PIEZO2: variants seen among roughly 807,000 people sequenced by gnomAD.
PIEZO2 encodes piezo-type mechanosensitive ion channel component 2.
Under a neutral mutation model 337.3 loss-of-function variants are expected in PIEZO2, and 172 were observed. The observed-to-expected ratio is 0.51, with a 90% CI of 0.45 to 0.58. The LOEUF is 0.58. PIEZO2 is among the 20% of genes least tolerant of loss of function. The pLI is 0.00. For missense variants in PIEZO2, 3,028 were observed against 3,391.3 expected (o/e 0.89, Z 2.66); for synonymous variants, 1,251 against 1,228.5 (o/e 1.02, Z -0.38).
intron 2 of PIEZO2, among the ~76,000 whole-genome samples, chr18:11,053,423 T>A (rs1221230830): frequency 6.6e-6 from 1 of 152,202 alleles, no homozygotes; most frequent in Non-Finnish European, 1.5e-5. Context: ...AAATTAATAA[T>A]GCTGTGCTTC....
intron 7 of PIEZO2, among the ~76,000 whole-genome samples, chr18:10,812,587 G>GT (rs1335606446): frequency 6.6e-6 from 1 of 152,120 alleles, no homozygotes; most frequent in Non-Finnish European, 1.5e-5. Context: ...ATCAGGAAGG[G>GT]TTGCTCATCG....
At chr18:10,829,595 A>G (rs1316359681) in intron 7 of PIEZO2, among the ~76,000 whole-genome samples, 1 of 152,216 alleles carries the variant, frequency 6.6e-6, no homozygotes, top group South Asian at 2.1e-4. Context: ...AAACAAGTTC[A>G]ATAAACTTAC....
intron 4 of PIEZO2, among the ~76,000 whole-genome samples, chr18:10,887,091 A>G (rs1415530078): frequency 8.9e-6 from 1 of 112,854 alleles, no homozygotes; most frequent in Admixed American, 1.1e-4. Context: ...TTTTTTTGAG[A>G]CAGAGTCTCG....
At chr18:11,049,160 G>T (rs565182218) in intron 2 of PIEZO2, among the ~76,000 whole-genome samples, 1 of 152,098 alleles carries the variant, frequency 6.6e-6, no homozygotes, top group Admixed American at 6.5e-5. Context: ...TCCTCTTGAG[G>T]GCTTTATCCA....
intron 2 of PIEZO2, among the ~76,000 whole-genome samples, chr18:11,004,118 T>C (rs77546839): frequency 0.014 from 2,181 of 152,262 alleles, 57 homozygotes; most frequent in African/African-American, 0.05. Context: ...TCCTGTCCCA[T>C]GCCCTGTTCG....
rs2039505547 is a variant in PIEZO2, at chr18:11,104,530, C to T, written c.65-38308G>A. On this transcript the variant is annotated intron_variant, in intron 1 of 55. Coordinates refer to ENST00000674853, the MANE Select transcript of PIEZO2 (RefSeq NM_001378183.1). This position sits in a 1 kb window ranked among gnomAD's most constrained non-coding sequence, Gnocchi z 4.6. ...CTCCTGGGCAGGAGAGAAAGCTGGC[C>T]TGGAGCCATCTGAAGTCTGAAGTCC... is the stretch of plus-strand genomic sequence containing the variant. Among the ~76,000 whole-genome samples the T allele has an allele frequency of 6.6e-6, 1 of 152,162 alleles. No individual in the cohort carries two copies. The highest frequency in any genetic ancestry group is 1.5e-5 in the Non-Finnish European group (1 of 68,038).
chr18:10,672,964 T>C lies in PIEZO2; in HGVS notation c.8162-91A>G. ...TTTTCAGATGGCAAAATCTGGTTAC[T>C]AACTATAGCATAAGGTTCTAGGATG... On this transcript the variant is annotated intron_variant, in intron 54 of 55. Coordinates refer to ENST00000674853, the MANE Select transcript of PIEZO2 (RefSeq NM_001378183.1). The surrounding 1 kb of genome is among the most constrained non-coding windows in gnomAD (Gnocchi z 4.7). 2 of 1,039,598 alleles carry C rather than the reference T, an allele frequency of 1.9e-6. No individual in the cohort carries two copies. The highest frequency in any genetic ancestry group is 4.9e-5 in the East Asian group (2 of 40,836). 64.4% of individuals were successfully genotyped at this position (1,039,598 alleles called of 1,614,324 possible).
intron 21 of PIEZO2, among the ~76,000 whole-genome samples, chr18:10,769,203 T>C (rs986461794): frequency 6.6e-6 from 1 of 152,232 alleles, no homozygotes; most frequent in Non-Finnish European, 1.5e-5. Flanking sequence ...CTAGGCTAGA[T>C]TTGGGCTCCA....
chr18:11,026,351 G>A (rs1055205449), intron 2 of PIEZO2, among the ~76,000 whole-genome samples: 10 of 151,902 alleles, frequency 6.6e-5, no homozygotes, highest in African/African-American at 2.2e-4. Flanking sequence ...TCTCTGCCTC[G>A]CCCCCACCCT....
In PIEZO2 at chr18:10,704,596, C is replaced by T. The variant is rs779854352; in HGVS notation, c.6056G>A (p.Arg2019Gln). Residue 2019 changes from arginine to glutamine, a missense_variant, in exon 42 of 56, where the codon CGA becomes CAA. Arg to Gln is a conservative substitution (Grantham distance 43). This residue lies in a region of PIEZO2 where 1,925 missense variants were observed against 2,051.9 expected (regional missense o/e 0.94). Coordinates refer to ENST00000674853, the MANE Select transcript of PIEZO2 (RefSeq NM_001378183.1). ...CATGGCATAGAAGAGCAGCAGAAAT[C>T]GGGGCTGCCCCACGTAGAATTTCTC... Reference protein sequence around the residue: ...ESEKFYVGQPRFLLLFYAMYN... With the variant: ...ESEKFYVGQPQFLLLFYAMYN... The T allele has an allele frequency of 6.3e-5, 97 of 1,537,156 alleles. No individual in the cohort carries two copies. The highest frequency in any genetic ancestry group is 7.8e-5 in the Non-Finnish European group (89 of 1,146,912).
intron 2 of PIEZO2, among the ~76,000 whole-genome samples, chr18:11,010,440 ATCC>A (rs1275864603): frequency 3.0e-4 from 46 of 152,074 alleles, no homozygotes; most frequent in Admixed American, 3.0e-3. Flanking sequence ...TAATCACACA[ATCC>A]TCTAAGAGCC....
intron 2 of PIEZO2, among the ~76,000 whole-genome samples, chr18:11,018,222 T>TG (rs755689140): frequency 1.8e-3 from 123 of 67,414 alleles, no homozygotes; most frequent in African/African-American, 3.2e-3. Flanking sequence ...GTGGTGGTGG[T>TG]GTGTGTGTGT....
intron 3 of PIEZO2, among the ~76,000 whole-genome samples, chr18:10,941,353 G>T (rs771778672): frequency 6.6e-6 from 1 of 151,984 alleles, no homozygotes; most frequent in African/African-American, 2.4e-5. Context: ...ATCAATCCCC[G>T]CTTACACCCC....
chr18:10,901,908 T>C (rs564470939), intron 4 of PIEZO2, among the ~76,000 whole-genome samples: 3 of 149,542 alleles, frequency 2.0e-5, no homozygotes, highest in South Asian at 2.1e-4. Context: ...TGTCAACATA[T>C]GCAAAACAAA....
chr18:10,880,978 T>A (rs2042404813), intron 4 of PIEZO2, among the ~76,000 whole-genome samples: 2 of 148,942 alleles, frequency 1.3e-5, no homozygotes, highest in Admixed American at 1.3e-4. Context: ...GCAAGACTAA[T>A]ATATTTGGTG....
At position 10,894,470 on chromosome 18, in the gene PIEZO2, A is replaced by G. The variant is rs2042841713; in HGVS notation, c.329+16716T>C. 1 of 152,254 alleles carries G rather than the reference A, an allele frequency of 6.6e-6. No homozygotes were observed. Among genetic ancestry groups the G allele is most frequent in the Admixed American group, 6.5e-5 (1 of 15,288 alleles). 9.4% of individuals were successfully genotyped at this position (152,254 alleles called of 1,614,324 possible). On this transcript the variant is annotated intron_variant, in intron 4 of 55. Transcript: ENST00000674853. This position sits in a 1 kb window ranked among gnomAD's most constrained non-coding sequence, Gnocchi z 4.1. ...ACTCCGTCCCAAAAAAAGAAAAAAA[A>G]GGCAAAATAGCAGAGTATGACCTTC...
rs1229194569 is a variant in PIEZO2, at chr18:10,784,008, T to C, written c.2492+776A>G. Among the ~76,000 whole-genome samples, 4 of 152,144 alleles carry C rather than the reference T, an allele frequency of 2.6e-5. No individual in the cohort carries two copies. The highest frequency in any genetic ancestry group is 5.9e-5 in the Non-Finnish European group (4 of 68,022). ...CTCTGTGCTCCTCTCAATACAGCCC[T>C]TTGCTCCCTTAGCTGCTTAACAAGT... On this transcript the variant is annotated intron_variant, in intron 17 of 55. Coordinates refer to ENST00000674853, the MANE Select transcript of PIEZO2 (RefSeq NM_001378183.1). The surrounding 1 kb of genome is among the most constrained non-coding windows in gnomAD (Gnocchi z 4.5).
chr18:11,090,935 A>G (rs1324816803), intron 1 of PIEZO2, among the ~76,000 whole-genome samples: 4 of 150,012 alleles, frequency 2.7e-5, no homozygotes, highest in Non-Finnish European at 4.5e-5. Flanking sequence ...AAAAAAAAGT[A>G]GATGTGGGGC....
chr18:10,726,342 C>CT lies in PIEZO2; in HGVS notation c.5029+5064dup, dbSNP rs2036537973. ...GGGTCCCCGAACGCCCCGCCCAGCG[C>CT]TGCCTCCCTTCGCCTTCCCCGCAGG... On this transcript the variant is annotated intron_variant, in intron 36 of 55. Transcript: ENST00000674853. The surrounding 1 kb of genome is among the most constrained non-coding windows in gnomAD (Gnocchi z 5.9). 3 of 1,485,272 alleles carry CT rather than the reference C, an allele frequency of 2.0e-6. No individual in the cohort carries two copies. Among genetic ancestry groups the CT allele is most frequent in the Admixed American group, 4.2e-5 (2 of 48,072 alleles). The allele number at this position is 1,485,272 out of a possible 1,614,324, so 92.0% of individuals were successfully genotyped here. A position where few individuals can be genotyped will look rare whatever the true frequency, so the allele number is the denominator to read the frequency against.
Sources: gnomAD v4.1 joint callset for allele counts (sites outside exome capture counted in the v4.1 genomes callset) on GRCh38, gnomAD v4.1.1 for gene constraint, gnomAD v4.1.1 regional missense constraint, Gnocchi (gnomAD v3.1) non-coding constraint, MANE v1.5 for transcripts, NCBI Gene and HGNC (gene_info 2026-07-23, HGNC 2026-07-21) for gene names.